NRBP1: variants seen among roughly 807,000 people sequenced by gnomAD.
NRBP1 encodes the protein nuclear receptor binding protein 1.
In NRBP1, 10 loss-of-function variants were observed where a neutral mutation model predicts 76.0. That is an observed-to-expected ratio of 0.13 (90% CI 0.08 to 0.22). The LOEUF is 0.22. Ranked by LOEUF, NRBP1 falls within the 10% of genes least tolerant of loss-of-function variation. NRBP1 has a pLI of 1.00. For synonymous variants in NRBP1, 235 were observed against 240.2 expected, an observed-to-expected ratio of 0.98 and a Z score of 0.20; for missense variants, 344 against 646.0, an observed-to-expected ratio of 0.53 and a Z score of 5.07.
intron 1 of NRBP1, among the ~76,000 whole-genome samples, chr2:27,430,610 T>C (rs1456190125): frequency 6.6e-6 from 1 of 152,000 alleles, no homozygotes; most frequent in Non-Finnish European, 1.5e-5. Flanking sequence ...GCTGGAATTA[T>C]AGACGTGCGC....
rs370726109 is a variant in NRBP1 at position 27,430,768 on chromosome 2, C to T, written c.-21+2037C>T. ...GGCCAGCTTGCCTGGCCCAGGGTAT[C>T]TCTTTCATACTGTAGAGAACTCTCT... On this transcript the variant is annotated intron_variant, in intron 1 of 17. Coordinates refer to ENST00000379852, the MANE Select transcript of NRBP1 (RefSeq NM_013392.4). Among the ~76,000 whole-genome samples, 7 of 151,378 alleles carry T rather than the reference C, an allele frequency of 4.6e-5. No individual in the cohort carries two copies. In the East Asian group the frequency reaches 1.2e-3, roughly 26 times the overall value.
chr2:27,441,040 C>A, intron 14 of NRBP1, 87 bp from the exon 15 acceptor site: 7 of 1,607,184 alleles, frequency 4.4e-6, no homozygotes, highest in Non-Finnish European at 6.0e-6. Context: ...TGCTCCCTAG[C>A]AGCCATGCCC....
intron 1 of NRBP1, among the ~76,000 whole-genome samples, chr2:27,430,285 C>T (rs1413858986): frequency 6.6e-6 from 1 of 152,082 alleles, no homozygotes; most frequent in African/African-American, 2.4e-5. Flanking sequence ...TAATAAAAAT[C>T]TCCTGAGTTG....
Position 27,441,148 on chromosome 2 carries a change from A to G in NRBP1, c.1351A>G (p.Ile451Val). ...CTAGGTGGTGCTGATGCAGTGCAACATTGAGTCGGTGGAGGAGGGAGTCAA... is the reference window on the plus strand; with the variant it reads ...CTAGGTGGTGCTGATGCAGTGCAACGTTGAGTCGGTGGAGGAGGGAGTCAA... ...TRKVVLMQCN[I>V]ESVEEGVKHH... is the part of the protein sequence containing the mutation. The change falls in exon 15 of 18, where the codon ATT (isoleucine) becomes GTT (valine). Residue 451 changes from isoleucine to valine, a missense_variant. Physicochemically the swap from Ile to Val is conservative, Grantham distance 29 (BLOSUM62 3). Around this residue, in one of 3 missense-constraint regions of NRBP1, gnomAD observed 218 missense variants for 309.8 expected, o/e 0.70. Coordinates refer to ENST00000379852, the MANE Select transcript of NRBP1 (RefSeq NM_013392.4). 6.2e-7 allele frequency: 1 copy of G among 1,613,898 alleles called. No individual in the cohort carries two copies. The highest frequency in any genetic ancestry group is 1.3e-5 in the African/African-American group (1 of 75,016).
In NRBP1 at chr2:27,435,076, G is replaced by A; in HGVS notation, c.567-57G>A. The A allele has an allele frequency of 2.9e-6, 3 of 1,026,898 alleles. No homozygotes were observed. In the Admixed American group the frequency reaches 5.4e-5, roughly 19 times the overall value. The allele number at this position is 1,026,898 out of a possible 1,614,324, so 63.6% of individuals were successfully genotyped here. Reference sequence around the variant, plus strand: ...TGGCCCTTGCTCCTCTTAACCCTTGGGTTCCCCCTGCCCTTAATTTCCCAG... The same window carrying A: ...TGGCCCTTGCTCCTCTTAACCCTTGAGTTCCCCCTGCCCTTAATTTCCCAG... On this transcript the variant is annotated intron_variant, in intron 6 of 17. Transcript: ENST00000379852.
In NRBP1 at chr2:27,434,463, C is replaced by T. The variant is rs777800675; in HGVS notation, c.436-8C>T. 1.9e-6 allele frequency: 3 copies of T among 1,607,104 alleles called. No individual in the cohort carries two copies. Among genetic ancestry groups the T allele is most frequent in the South Asian group, 2.2e-5 (2 of 90,858 alleles). Reference sequence around the variant, plus strand: ...TAAGGCCTTTTAGTAAGTGCTTTGCCTCCCCAGGTCATTTTTATCACAGAA... The same window carrying T: ...TAAGGCCTTTTAGTAAGTGCTTTGCTTCCCCAGGTCATTTTTATCACAGAA... On this transcript the variant is annotated splice_region_variant and splice_polypyrimidine_tract_variant and intron_variant, in intron 4 of 17. Coordinates refer to ENST00000379852, the MANE Select transcript of NRBP1 (RefSeq NM_013392.4).
intron 4 of NRBP1, among the ~76,000 whole-genome samples, 183 bp downstream of exon 4, chr2:27,434,273 G>A (rs1022856724): frequency 1.3e-5 from 2 of 152,166 alleles, no homozygotes; most frequent in African/African-American, 4.8e-5. Flanking sequence ...CTATAGATTG[G>A]GCAGAAAATG....
chr2:27,432,696 C>A (rs1413628013), intron 1 of NRBP1, among the ~76,000 whole-genome samples: 1 of 151,810 alleles, frequency 6.6e-6, no homozygotes, highest in Non-Finnish European at 1.5e-5. Flanking sequence ...TCCCATCAGC[C>A]TCTCGGGTAG....
rs1212182951 is a variant in NRBP1, at chr2:27,441,057, C to T, written c.1330-70C>T. The T allele has an allele frequency of 6.8e-6, 11 of 1,608,196 alleles. No individual in the cohort carries two copies. The East Asian group carries it at 2.0e-4, about 29-fold the overall frequency. On this transcript the variant is annotated intron_variant, in intron 14 of 17. Transcript: ENST00000379852. ...CTCCCTAGCAGCCATGCCCTATGGG[C>T]TCGAAAGACGTCTAGGTATTGGGTT...
At chr2:27,440,963 T>A in intron 14 of NRBP1, 23 bp downstream of exon 14, 1 of 1,612,680 alleles carries the variant, frequency 6.2e-7, no homozygotes, top group Non-Finnish European at 8.5e-7. Flanking sequence ...TGGGTGTGGA[T>A]TGTCTCCATG....
chr2:27,438,560 A>G (rs746814703), intron 10 of NRBP1, among the ~76,000 whole-genome samples: 2 of 152,214 alleles, frequency 1.3e-5, no homozygotes, highest in African/African-American at 2.4e-5. Flanking sequence ...CTACTTCAAC[A>G]TTGAGGTGGA....
Position 27,437,271 on chromosome 2 carries a change from C to CT in NRBP1, c.815dup (p.Glu273GlyfsTer39). On this transcript the variant is annotated frameshift_variant, in exon 10 of 18. Coordinates refer to ENST00000379852, the MANE Select transcript of NRBP1 (RefSeq NM_013392.4). LOFTEE classifies it high-confidence loss of function. ...TTCTTCCTCACTGAAGATGGCAGTG[C>CT]TGGAGATTCAGGGCAATGGAGAGTC... The CT allele has an allele frequency of 6.2e-7, 1 of 1,613,470 alleles. No individual in the cohort carries two copies. The highest frequency in any genetic ancestry group is 8.5e-7 in the Non-Finnish European group (1 of 1,179,574).
chr2:27,441,505 TCTGAAGGGCC>T, intron 16 of NRBP1, 52 bp from the exon 17 acceptor site: 1 of 1,575,710 alleles, frequency 6.3e-7, no homozygotes, highest in Non-Finnish European at 8.7e-7. Flanking sequence ...AGTGGGGCTG[TCTGAAGGGCC>T]CCAGGTCCCT....
At chr2:27,436,523 G>C (rs1385701515) in intron 7 of NRBP1, 1 of 516,976 alleles carries the variant, frequency 1.9e-6, no homozygotes, top group Non-Finnish European at 3.5e-6. Context: ...TGCTTTTGTT[G>C]CTCCTGATTT....
chr2:27,428,863 A>C (rs1366171426), intron 1 of NRBP1, 132 bp downstream of exon 1: 1 of 397,232 alleles, frequency 2.5e-6, no homozygotes, highest in Non-Finnish European at 4.4e-6. Context: ...TCAGTAGCCC[A>C]GGCCCGATCG....
At chr2:27,431,177 G>A (rs571631637) in intron 1 of NRBP1, among the ~76,000 whole-genome samples, 7 of 152,280 alleles carry the variant, frequency 4.6e-5, no homozygotes, top group South Asian at 4.1e-4. Flanking sequence ...GCACGTGCCC[G>A]TAGTCCCAGC....
intron 2 of NRBP1, 93 bp from the exon 3 acceptor site, chr2:27,433,579 AG>A: frequency 6.3e-7 from 1 of 1,597,708 alleles, no homozygotes; most frequent in Non-Finnish European, 8.6e-7. Flanking sequence ...AAACTTCAAT[AG>A]GTTGGGGGCT....
At chr2:27,429,992 C>G (rs1367870903) in intron 1 of NRBP1, among the ~76,000 whole-genome samples, 1 of 152,180 alleles carries the variant, frequency 6.6e-6, no homozygotes, top group Non-Finnish European at 1.5e-5. Flanking sequence ...TTACCATTTT[C>G]TTAGCTACTT....
At chr2:27,436,919 G>A in intron 8 of NRBP1, 83 bp downstream of exon 8, 1 of 1,464,392 alleles carries the variant, frequency 6.8e-7, no homozygotes, top group East Asian at 2.3e-5. Context: ...CAATATAACT[G>A]AAACTTCTAG....
Sources: allele counts gnomAD v4.1 joint callset (sites outside exome capture counted in the v4.1 genomes callset), GRCh38; gene constraint gnomAD v4.1.1; regional missense constraint gnomAD v4.1.1; transcripts MANE v1.5; gene names NCBI Gene and HGNC (gene_info 2026-07-23, HGNC 2026-07-21).